PDSS2: variants seen among roughly 807,000 people sequenced by gnomAD.
The protein encoded by PDSS2 is decaprenyl diphosphate synthase subunit 2, also known as all trans-polyprenyl-diphosphate synthase PDSS2.
Under a neutral mutation model 44.5 loss-of-function variants are expected in PDSS2, and 31 were observed. The observed-to-expected ratio is 0.70, with a 90% CI of 0.52 to 0.94. The LOEUF is 0.94. PDSS2 is among the 40% of genes least tolerant of loss of function. The pLI is 0.00. For synonymous variants in PDSS2, 157 were observed against 180.3 expected, an observed-to-expected ratio of 0.87 and a Z score of 1.03; for missense variants, 452 against 482.2, an observed-to-expected ratio of 0.94 and a Z score of 0.59.
At chr6:107,302,038 AC>A (rs1189866079) in intron 2 of PDSS2, among the ~76,000 whole-genome samples, 2 of 151,726 alleles carry the variant, frequency 1.3e-5, no homozygotes, top group Admixed American at 6.6e-5. Flanking sequence ...TAGTTGCACG[AC>A]TCTGTAAATA....
chr6:107,347,686 A>T (rs1778297416), intron 1 of PDSS2, among the ~76,000 whole-genome samples: 2 of 152,168 alleles, frequency 1.3e-5, no homozygotes. Flanking sequence ...TAGCTGACTG[A>T]ATGGCTAATC....
At chr6:107,409,584 A>G (rs373612811) in intron 1 of PDSS2, among the ~76,000 whole-genome samples, 35 of 152,172 alleles carry the variant, frequency 2.3e-4, no homozygotes, top group East Asian at 9.6e-4. Flanking sequence ...GAGAGTCAGA[A>G]TTCTTCCTTA....
chr6:107,158,348 C>T (rs1770988991), intron 7 of PDSS2, among the ~76,000 whole-genome samples: 1 of 151,862 alleles, frequency 6.6e-6, no homozygotes, highest in Non-Finnish European at 1.5e-5. Flanking sequence ...CTACACCTGG[C>T]TAATTTTTTT....
chr6:107,293,448 C>A (rs540695222), intron 2 of PDSS2, among the ~76,000 whole-genome samples: 3 of 152,310 alleles, frequency 2.0e-5, no homozygotes, highest in Admixed American at 6.5e-5. Context: ...TCCCCCTCCC[C>A]ACTGGAGAGC....
chr6:107,294,410 A>C (rs1436869212), intron 2 of PDSS2, among the ~76,000 whole-genome samples: 1 of 151,780 alleles, frequency 6.6e-6, no homozygotes, highest in Middle Eastern at 3.2e-3. Flanking sequence ...TTTTTTTTTT[A>C]ATTAAAAAAA....
At chr6:107,420,535 A>G (rs1780791526) in intron 1 of PDSS2, among the ~76,000 whole-genome samples, 1 of 152,250 alleles carries the variant, frequency 6.6e-6, no homozygotes, top group African/African-American at 2.4e-5. Context: ...AAATACACCA[A>G]CTGATTTTTC....
At chr6:107,329,275 G>A (rs1425767212) in intron 2 of PDSS2, among the ~76,000 whole-genome samples, 1 of 152,190 alleles carries the variant, frequency 6.6e-6, no homozygotes, top group East Asian at 1.9e-4. Flanking sequence ...AGTACATACT[G>A]AGGTGCGGCT....
chr6:107,369,149 G>A (rs1158799742), intron 1 of PDSS2, among the ~76,000 whole-genome samples: 2 of 152,230 alleles, frequency 1.3e-5, no homozygotes, highest in African/African-American at 4.8e-5. Context: ...GCCGGGCAAA[G>A]TGGCTCACGC....
intron 1 of PDSS2, among the ~76,000 whole-genome samples, chr6:107,378,481 A>G (rs1327642301): frequency 2.6e-5 from 4 of 152,154 alleles, no homozygotes; most frequent in Non-Finnish European, 4.4e-5. Context: ...TCTAAATGTA[A>G]TATCACTTAA....
intron 1 of PDSS2, among the ~76,000 whole-genome samples, chr6:107,394,214 G>A: frequency 6.6e-6 from 1 of 152,112 alleles, no homozygotes. Context: ...CTAGGATTTG[G>A]AGTATATGTA....
chr6:107,423,072 A>G (rs531976666), intron 1 of PDSS2, among the ~76,000 whole-genome samples: 1 of 152,238 alleles, frequency 6.6e-6, no homozygotes, highest in East Asian at 1.9e-4. Context: ...CAAACAAAAA[A>G]AGCCTGACCA....
intron 6 of PDSS2, among the ~76,000 whole-genome samples, chr6:107,198,830 CA>C (rs1772658470): frequency 7.6e-6 from 1 of 131,082 alleles, no homozygotes; most frequent in Non-Finnish European, 1.7e-5. Context: ...ACAACAACAA[CA>C]ACAACACAGC....
chr6:107,438,305 T>C (rs1781416201), intron 1 of PDSS2, among the ~76,000 whole-genome samples: 1 of 151,976 alleles, frequency 6.6e-6, no homozygotes. Context: ...ACCCCCAGGG[T>C]TCAAGTGATT....
rs190927417 is a variant in PDSS2 at position 107,375,904 on chromosome 6, A to C, written c.297-41572T>G. Among the ~76,000 whole-genome samples, 129 of 152,348 alleles carry C rather than the reference A, an allele frequency of 8.5e-4. 1 individual carries two copies. Among genetic ancestry groups the C allele is most frequent in the African/African-American group, 3.0e-3 (126 of 41,580 alleles). ...GTATGAAGAAATTTGTATAAAGAAA[A>C]ATCATACAATCATCTCAACAGATAC... On this transcript the variant is annotated intron_variant, in intron 1 of 7. Transcript: ENST00000369037.
At chr6:107,286,827 T>G (rs10457164) in intron 2 of PDSS2, among the ~76,000 whole-genome samples, 1,608 of 152,044 alleles carry the variant, frequency 0.011, 18 homozygotes, top group South Asian at 0.037. Flanking sequence ...GATCATGAGG[T>G]CAAAAGATCG....
chr6:107,283,518 C>T lies in PDSS2; in HGVS notation c.432-9291G>A, dbSNP rs114962183. ...GGCAGATCACTGGAGGTTGGGAGTT[C>T]GACACCAGCCTGACCAACTTGGAGA... On this transcript the variant is annotated intron_variant, in intron 2 of 7. Coordinates refer to ENST00000369037, the MANE Select transcript of PDSS2 (RefSeq NM_020381.4). Among the ~76,000 whole-genome samples, 723 of 150,882 alleles carry T rather than the reference C, an allele frequency of 4.8e-3. 5 individuals carry two copies. The highest frequency in any genetic ancestry group is 0.017 in the African/African-American group (695 of 41,024).
intron 1 of PDSS2, among the ~76,000 whole-genome samples, chr6:107,370,938 A>T (rs902109027): frequency 6.6e-6 from 1 of 152,214 alleles, no homozygotes; most frequent in Non-Finnish European, 1.5e-5. Flanking sequence ...TAACCCCAGC[A>T]CTTTGGGAGG....
chr6:107,405,824 G>A (rs1294111912), intron 1 of PDSS2, among the ~76,000 whole-genome samples: 1 of 148,678 alleles, frequency 6.7e-6, no homozygotes, highest in African/African-American at 2.5e-5. Context: ...TCCAGCCTGG[G>A]CGACAGAGCG....
chr6:107,310,208 C>T (rs1776992049), intron 2 of PDSS2, among the ~76,000 whole-genome samples: 1 of 150,552 alleles, frequency 6.6e-6, no homozygotes, highest in Non-Finnish European at 1.5e-5. Context: ...TCACTTGAAC[C>T]TGGGAGGCGG....
Sources: allele counts gnomAD v4.1 joint callset (sites outside exome capture counted in the v4.1 genomes callset), GRCh38; gene constraint gnomAD v4.1.1; transcripts MANE v1.5; gene names NCBI Gene and HGNC (gene_info 2026-07-23, HGNC 2026-07-21).